Variants in VPS35L observed in about 807,000 individuals in gnomAD.
VPS35L encodes the protein VPS35 endosomal protein-sorting factor-like.
A neutral mutation model predicts 133.0 loss-of-function variants in VPS35L; 83 were observed. The observed-to-expected ratio is 0.62, with a 90% CI of 0.52 to 0.75. The LOEUF (loss-of-function observed/expected upper bound fraction) is 0.75. VPS35L is among the 30% of genes least tolerant of loss of function. The probability of loss-of-function intolerance (pLI) is 0.00; values close to 1 mark genes in which losing one functional copy is unlikely to be tolerated. For synonymous variants in VPS35L, 423 were observed against 449.9 expected (o/e 0.94, Z 0.76); for missense variants, 1,083 against 1,206.8 (o/e 0.90, Z 1.52).
chr16:19,576,591 T>A (rs1167492604), intron 5 of VPS35L, among the ~76,000 whole-genome samples: 1 of 152,134 alleles, frequency 6.6e-6, no homozygotes, highest in Non-Finnish European at 1.5e-5. Context: ...AACTGACGGA[T>A]CATGTGCTGC....
At chr16:19,609,580 G>C (rs956959118) in intron 11 of VPS35L, among the ~76,000 whole-genome samples, 1 of 152,232 alleles carries the variant, frequency 6.6e-6, no homozygotes, top group Non-Finnish European at 1.5e-5. Flanking sequence ...GTTACAGGAC[G>C]TGGGGGACCC....
At chr16:19,667,907 G>A (rs1974750204) in intron 26 of VPS35L, among the ~76,000 whole-genome samples, 1 of 152,006 alleles carries the variant, frequency 6.6e-6, no homozygotes, top group African/African-American at 2.4e-5. Context: ...ATGTGGAAGG[G>A]GTTTGAGTTT....
At chr16:19,609,209 C>T (rs943965392) in intron 11 of VPS35L, among the ~76,000 whole-genome samples, 188 bp downstream of exon 11, 1 of 152,114 alleles carries the variant, frequency 6.6e-6, no homozygotes, top group Non-Finnish European at 1.5e-5. Context: ...ATCCTAATCC[C>T]CATATTAGAG....
At position 19,639,438 on chromosome 16, in the gene VPS35L, G is replaced by C. The variant is rs1973718731; in HGVS notation, c.1699-577G>C. ...GAAAAGCTTGTGGTCATCAAAGGTT[G>C]CCTGGATGGCTCACCAAAATGTTAA... is the stretch of plus-strand genomic sequence containing the variant. On this transcript the variant is annotated intron_variant, in intron 20 of 30. Coordinates refer to ENST00000417362, the MANE Select transcript of VPS35L (RefSeq NM_020314.7). This position sits in a 1 kb window ranked among gnomAD's most constrained non-coding sequence, Gnocchi z 4.1. Among the ~76,000 whole-genome samples the C allele has an allele frequency of 6.6e-6, 1 of 152,332 alleles. No individual in the cohort carries two copies. Among genetic ancestry groups the C allele is most frequent in the African/African-American group, 2.4e-5 (1 of 41,570 alleles).
chr16:19,674,994 C>A (rs9924363), intron 27 of VPS35L, among the ~76,000 whole-genome samples: 94,291 of 149,500 alleles, frequency 0.63, 31,841 homozygotes, highest in African/African-American at 0.88. Context: ...TCTGTTATCC[C>A]GGCTGGAGTG....
intron 16 of VPS35L, 149 bp downstream of exon 16, chr16:19,627,954 T>C: frequency 1.5e-6 from 1 of 666,920 alleles, no homozygotes; most frequent in Admixed American, 2.4e-5. Context: ...GAAGATGAGT[T>C]AGAGGTTGGG....
At chr16:19,638,158 T>C (rs145150444) in intron 20 of VPS35L, among the ~76,000 whole-genome samples, 9 of 152,370 alleles carry the variant, frequency 5.9e-5, no homozygotes, top group African/African-American at 2.2e-4. Context: ...GTAGGGAATC[T>C]AGGTTATTCC....
At chr16:19,581,857 G>C (rs1971721145) in intron 7 of VPS35L, 1 of 647,658 alleles carries the variant, frequency 1.5e-6, no homozygotes, top group Non-Finnish European at 2.6e-6. Context: ...ATGTGCAGCT[G>C]CACAGGTTGT....
intron 27 of VPS35L, among the ~76,000 whole-genome samples, chr16:19,680,923 C>G (rs543112100): frequency 7.0e-5 from 10 of 143,882 alleles, no homozygotes; most frequent in South Asian, 4.6e-4. Flanking sequence ...CGCCCCCCCC[C>G]TAAAAAAACA....
intron 26 of VPS35L, among the ~76,000 whole-genome samples, chr16:19,657,440 A>G (rs1253022357): frequency 6.6e-6 from 1 of 152,144 alleles, no homozygotes; most frequent in Admixed American, 6.6e-5. Flanking sequence ...CTGCAGATAA[A>G]CAGAAAGTTA....
chr16:19,642,502 T>G, intron 22 of VPS35L, 26 bp downstream of exon 22: 1 of 1,595,140 alleles, frequency 6.3e-7, no homozygotes. Flanking sequence ...AGCTGAAATA[T>G]AACATGGATT....
intron 29 of VPS35L, among the ~76,000 whole-genome samples, chr16:19,698,737 G>A (rs1311946059): frequency 1.3e-5 from 2 of 152,178 alleles, no homozygotes; most frequent in Admixed American, 6.5e-5. Context: ...GGGATCTGCC[G>A]TGGCCCCATG....
intron 23 of VPS35L, among the ~76,000 whole-genome samples, 193 bp downstream of exon 23, chr16:19,645,142 G>A (rs980602019): frequency 6.6e-6 from 1 of 151,890 alleles, no homozygotes; most frequent in African/African-American, 2.4e-5. Context: ...ACTGGCTTAA[G>A]AGGAAAAAGG....
chr16:19,656,092 G>A (rs773383768), intron 26 of VPS35L, among the ~76,000 whole-genome samples: 107 of 151,506 alleles, frequency 7.1e-4, no homozygotes, highest in Non-Finnish European at 1.4e-3. Flanking sequence ...GTGAAACCCC[G>A]TCTCTACTAA....
chr16:19,565,929 A>G (rs761991626), intron 2 of VPS35L, among the ~76,000 whole-genome samples: 1 of 152,356 alleles, frequency 6.6e-6, no homozygotes, highest in Middle Eastern at 3.4e-3. Context: ...AAAAGCAGGC[A>G]AGAGACTTGG....
chr16:19,673,636 A>T (rs1233619358), intron 27 of VPS35L, among the ~76,000 whole-genome samples: 2 of 152,148 alleles, frequency 1.3e-5, no homozygotes, highest in Non-Finnish European at 2.9e-5. Flanking sequence ...TCCTTGTAGC[A>T]TTGCATGTGT....
rs1972055827 is a variant in VPS35L at position 19,591,891 on chromosome 16, T to C, written c.724+17T>C. On this transcript the variant is annotated intron_variant, in intron 8 of 30. Transcript: ENST00000417362. ...ATACATTTGGTAAGTACCTGTCATA[T>C]GCATCTTAGATCTAGGAAATGTGTT... 3 of 1,545,068 alleles carry C rather than the reference T, an allele frequency of 1.9e-6. No individual in the cohort carries two copies. Among genetic ancestry groups the C allele is most frequent in the African/African-American group, 1.4e-5 (1 of 73,490 alleles).
rs964550046 is a variant in VPS35L, at chr16:19,600,519, G to A, written c.725-1145G>A. Among the ~76,000 whole-genome samples, 4 of 152,178 alleles carry A rather than the reference G, an allele frequency of 2.6e-5. No homozygotes were observed. The East Asian group carries it at 5.8e-4, about 22-fold the overall frequency. On this transcript the variant is annotated intron_variant, in intron 8 of 30. Transcript: ENST00000417362. ...ACTTTTATGCTACAGTGGCAAAGAT[G>A]AGTCGTCAGGAAAGTGACCCATGAC...
chr16:19,666,900 CTTTCTTTCTTTCTTTCTTT>C (rs1567470361), intron 26 of VPS35L, among the ~76,000 whole-genome samples: 1,193 of 105,780 alleles, frequency 0.011, 7 homozygotes, highest in Non-Finnish European at 0.014. Flanking sequence ...TTCTTTCTTT[CTTTCTTTCTTTCTTTCTTT>C]CTTTCTTTCT....
Sources: gnomAD v4.1 joint callset for allele counts (sites outside exome capture counted in the v4.1 genomes callset) on GRCh38, gnomAD v4.1.1 for gene constraint, Gnocchi (gnomAD v3.1) non-coding constraint, MANE v1.5 for transcripts, NCBI Gene and HGNC (gene_info 2026-07-23, HGNC 2026-07-21) for gene names.